ZNF728: variants seen among roughly 807,000 people sequenced by gnomAD.
The protein encoded by ZNF728 is zinc finger protein 728.
In ZNF728, 12 loss-of-function variants were observed where a neutral mutation model predicts 12.5. The observed-to-expected ratio is 0.96, with a 90% confidence interval of 0.61 to 1.55. ZNF728 has a LOEUF of 1.55. Among genes scored for constraint, ZNF728 ranks in the 40% most tolerant of loss-of-function variants. ZNF728 has a pLI of 0.00. For synonymous variants in ZNF728, 205 were observed against 240.7 expected (o/e 0.85, Z 1.37); for missense variants, 692 against 719.2 (o/e 0.96, Z 0.43).
chr19:22,985,925 A>G lies in ZNF728; in HGVS notation c.226+1383T>C, dbSNP rs8107971. On this transcript the variant is annotated intron_variant, in intron 3 of 3. Coordinates refer to ENST00000594710, the MANE Select transcript of ZNF728 (RefSeq NM_001267716.2). ...TCCTAATATAAAGCCCACCATATGCAGACCTGACTGCAGAAACCTGCCCTA... is the reference window on the plus strand; with the variant it reads ...TCCTAATATAAAGCCCACCATATGCGGACCTGACTGCAGAAACCTGCCCTA... 743 of 160,664 alleles carry G rather than the reference A, an allele frequency of 4.6e-3. 3 individuals are homozygous for G. The highest frequency in any genetic ancestry group is 0.016 in the African/African-American group (684 of 41,634). The allele number at this position is 160,664 out of a possible 1,614,324, so 10.0% of individuals were successfully genotyped here. A position where few individuals can be genotyped will look rare whatever the true frequency, so the allele number is the denominator to read the frequency against.
intron 1 of ZNF728, among the ~76,000 whole-genome samples, chr19:22,993,833 G>A (rs1158854099): frequency 1.3e-5 from 2 of 152,136 alleles, no homozygotes; most frequent in African/African-American, 4.8e-5. Flanking sequence ...ACATGATTGT[G>A]CTCTCATTTT....
intron 1 of ZNF728, among the ~76,000 whole-genome samples, chr19:23,000,889 A>AAACC: frequency 1.6e-5 from 1 of 64,204 alleles, no homozygotes; most frequent in African/African-American, 1.4e-4. Context: ...AAAAAAACCA[A>AAACC]AAAAAAAAAA....
chr19:22,979,640 C>G (rs1183396112), intron 3 of ZNF728, among the ~76,000 whole-genome samples: 1 of 152,020 alleles, frequency 6.6e-6, no homozygotes, highest in Non-Finnish European at 1.5e-5. Flanking sequence ...CAAATGGAAG[C>G]CCATCAGACT....
rs750238360 is a variant in ZNF728 at position 22,976,140 on chromosome 19, T to C, written c.1197A>G (p.Glu399=). The C allele has an allele frequency of 1.9e-6, 3 of 1,613,372 alleles. No individual in the cohort carries two copies. The highest frequency in any genetic ancestry group is 2.5e-6 in the Non-Finnish European group (3 of 1,179,898). ...ACCACTTAAAGGTTTTGCCACATTCTTCACATTTGTAAGGTTTGTCTCCAG... is the reference window on the plus strand; with the variant it reads ...ACCACTTAAAGGTTTTGCCACATTCCTCACATTTGTAAGGTTTGTCTCCAG... The part of the protein sequence containing the change: ...IHAGDKPYKC[E]ECGKTFKWSS... Residue 399 remains glutamate (E), a synonymous_variant, in exon 4 of 4, where the codon GAA becomes GAG. Transcript: ENST00000594710.
At chr19:22,981,067 A>G (rs1378695423) in intron 3 of ZNF728, among the ~76,000 whole-genome samples, 1 of 151,616 alleles carries the variant, frequency 6.6e-6, no homozygotes, top group Non-Finnish European at 1.5e-5. Context: ...TACCCTTCAA[A>G]AAAAAAAAAA....
chr19:22,989,255 T>C (rs1968957650), intron 1 of ZNF728, among the ~76,000 whole-genome samples: 1 of 151,952 alleles, frequency 6.6e-6, no homozygotes. Flanking sequence ...AAGTCTGAGT[T>C]GCTGAATTTT....
chr19:22,985,763 C>T (rs749175469), intron 3 of ZNF728: 6 of 152,504 alleles, frequency 3.9e-5, no homozygotes, highest in Non-Finnish European at 2.9e-5. Flanking sequence ...GGCCTGCAGA[C>T]CTTGGTCCCA....
chr19:22,988,497 C>G (rs1419731736), intron 1 of ZNF728, 46 bp from the exon 2 acceptor site: 3 of 1,600,452 alleles, frequency 1.9e-6, no homozygotes, highest in African/African-American at 2.7e-5. Context: ...TGGTCATGGG[C>G]AGAATTTTTA....
At chr19:22,997,535 G>A (rs367934090) in intron 1 of ZNF728, among the ~76,000 whole-genome samples, 47 of 152,114 alleles carry the variant, frequency 3.1e-4, no homozygotes, top group African/African-American at 8.2e-4. Context: ...AATTCATAGC[G>A]TTAAATCCTC....
rs1204338872 is a variant in ZNF728, at chr19:22,975,635, C to T, written c.1702G>A (p.Glu568Lys). Residue 568 changes from glutamate (E) to lysine (K), a missense_variant, in exon 4 of 4, where the codon GAA becomes AAA. Around this residue, in one of 3 missense-constraint regions of ZNF728, gnomAD observed 244 missense variants for 235.2 expected, o/e 1.04. Coordinates refer to ENST00000594710, the MANE Select transcript of ZNF728 (RefSeq NM_001267716.2). ...HTGEKPYKCE[E>K]CGKAFSWVSV... ...ACCCAGCTAAAGGCTTTGCCACATTCTTCACATTTGTAGGGTTTCTCTCCA... is the reference window on the plus strand; with the variant it reads ...ACCCAGCTAAAGGCTTTGCCACATTTTTCACATTTGTAGGGTTTCTCTCCA... 8 of 1,611,870 alleles carry T rather than the reference C, an allele frequency of 5.0e-6. No individual in the cohort carries two copies. Among genetic ancestry groups the T allele is most frequent in the Non-Finnish European group, 6.8e-6 (8 of 1,179,814 alleles).
At position 22,976,165 on chromosome 19, in the gene ZNF728, G is replaced by A; in HGVS notation, c.1172C>T (p.Ala391Val). The A allele has an allele frequency of 6.2e-7, 1 of 1,613,368 alleles. No individual in the cohort carries two copies. The highest frequency in any genetic ancestry group is 8.5e-7 in the Non-Finnish European group (1 of 1,179,918). ...SSLTEHKRIH[A>V]GDKPYKCEEC... ...TTCACATTTGTAAGGTTTGTCTCCA[G>A]CATGAATTCTCTTGTGTTCAGTAAG... The change falls in exon 4 of 4, where the codon GCT becomes GTT. Residue 391 changes from alanine (A) to valine (V), a missense_variant. Around this residue, in one of 3 missense-constraint regions of ZNF728, gnomAD observed 440 missense variants for 459.6 expected, o/e 0.96. Coordinates refer to ENST00000594710, the MANE Select transcript of ZNF728 (RefSeq NM_001267716.2).
chr19:22,990,424 A>G (rs553278430), intron 1 of ZNF728, among the ~76,000 whole-genome samples: 4 of 152,216 alleles, frequency 2.6e-5, no homozygotes, highest in Non-Finnish European at 5.9e-5. Context: ...AAGGACCAAG[A>G]CAGAAAAACT....
intron 3 of ZNF728, among the ~76,000 whole-genome samples, chr19:22,986,303 C>T (rs976139630): frequency 2.6e-5 from 4 of 152,016 alleles, no homozygotes; most frequent in African/African-American, 9.7e-5. Flanking sequence ...ATTTTAAAGT[C>T]ATTGAAATTG....
chr19:22,976,456 C>A lies in ZNF728; in HGVS notation c.881G>T (p.Ser294Ile). 1 of 1,611,398 alleles carries A rather than the reference C, an allele frequency of 6.2e-7. No individual in the cohort carries two copies. ...ATGTGCAGTAAGGGTTGAGGCCTTACTAAAGGCTTTGCCACATTCTTCACA... is the reference window on the plus strand; with the variant it reads ...ATGTGCAGTAAGGGTTGAGGCCTTAATAAAGGCTTTGCCACATTCTTCACA... ...YKCEECGKAFSKASTLTAHKT... is the reference protein window; with the variant it reads ...YKCEECGKAFIKASTLTAHKT... Residue 294 changes from serine to isoleucine, a missense_variant, in exon 4 of 4, where the codon AGT (serine) becomes ATT (isoleucine). Coordinates refer to ENST00000594710, the MANE Select transcript of ZNF728 (RefSeq NM_001267716.2).
At chr19:22,977,313 G>A (rs1446071249) in intron 3 of ZNF728, among the ~76,000 whole-genome samples, 1 of 151,990 alleles carries the variant, frequency 6.6e-6, no homozygotes, top group African/African-American at 2.4e-5. Flanking sequence ...AGTTAAGTGT[G>A]TACAGTGTCT....
Position 22,982,866 on chromosome 19 carries a change from T to C in ZNF728, c.226+4442A>G, listed in dbSNP as rs145129646. 3.3e-3 allele frequency among the ~76,000 whole-genome samples: 505 copies of C among 152,270 alleles called. 3 individuals are homozygous for C. Among genetic ancestry groups the C allele is most frequent in the African/African-American group, 0.012 (487 of 41,554 alleles). On this transcript the variant is annotated intron_variant, in intron 3 of 3. Transcript: ENST00000594710. ...ACCTTATATAAAAATTAACTCAAGA[T>C]GGATTACAGACTTAAATGTAACACC...
intron 1 of ZNF728, among the ~76,000 whole-genome samples, chr19:22,992,715 G>C (rs1195902052): frequency 6.6e-6 from 1 of 152,124 alleles, no homozygotes; most frequent in Non-Finnish European, 1.5e-5. Flanking sequence ...CTTGTATAAG[G>C]GGAGAAACAA....
intron 1 of ZNF728, among the ~76,000 whole-genome samples, chr19:23,001,770 A>C (rs1969116032): frequency 6.6e-6 from 1 of 152,200 alleles, no homozygotes; most frequent in East Asian, 1.9e-4. Flanking sequence ...ATGTACACTA[A>C]ACTATTTGTT....
intron 3 of ZNF728, among the ~76,000 whole-genome samples, chr19:22,984,583 C>T (rs1419699124): frequency 3.7e-5 from 5 of 134,090 alleles, no homozygotes; most frequent in East Asian, 2.0e-4. Flanking sequence ...AAAATACACA[C>T]ACACACACAC....
Sources: allele counts gnomAD v4.1 joint callset (sites outside exome capture counted in the v4.1 genomes callset), GRCh38; gene constraint gnomAD v4.1.1; regional missense constraint gnomAD v4.1.1; transcripts MANE v1.5; gene names NCBI Gene and HGNC (gene_info 2026-07-23, HGNC 2026-07-21).